Variants in HSF2BP observed in about 807,000 individuals in gnomAD.
The protein encoded by HSF2BP is heat shock factor 2-binding protein.
A neutral mutation model predicts 35.0 loss-of-function variants in HSF2BP; 35 were observed. That is an observed-to-expected ratio of 1.00 (90% confidence interval 0.76 to 1.32). The LOEUF is 1.32. Ranked by LOEUF, HSF2BP falls within the 40% of genes most tolerant of loss-of-function variation. The pLI, the probability that HSF2BP is intolerant of heterozygous loss-of-function variation, is 0.00. For synonymous variants in HSF2BP, 114 were observed against 117.4 expected, an observed-to-expected ratio of 0.97 and a Z score of 0.18; for missense variants, 326 against 321.7, an observed-to-expected ratio of 1.01 and a Z score of -0.10.
At chr21:43,658,807 G>A (rs1267306959) in intron 1 of HSF2BP, among the ~76,000 whole-genome samples, 1 of 152,238 alleles carries the variant, frequency 6.6e-6, no homozygotes, top group East Asian at 1.9e-4. Context: ...CGGGGTAGGG[G>A]CGCACCGATC....
At chr21:43,572,624 T>A (rs1470846778) in intron 8 of HSF2BP, among the ~76,000 whole-genome samples, 1 of 152,222 alleles carries the variant, frequency 6.6e-6, no homozygotes, top group Non-Finnish European at 1.5e-5. Flanking sequence ...TCCCTGGCAC[T>A]CAGGTGTCCG....
chr21:43,588,112 T>G (rs2081879028), intron 8 of HSF2BP, among the ~76,000 whole-genome samples: 1 of 152,184 alleles, frequency 6.6e-6, no homozygotes, highest in Admixed American at 6.5e-5. Flanking sequence ...GCACGGTGGC[T>G]CACGCCTGTA....
chr21:43,573,902 G>A (rs2081607212), intron 8 of HSF2BP, among the ~76,000 whole-genome samples: 1 of 152,224 alleles, frequency 6.6e-6, no homozygotes, highest in African/African-American at 2.4e-5. Context: ...GTGATGAGTA[G>A]TTTCGTTTGC....
intron 6 of HSF2BP, among the ~76,000 whole-genome samples, chr21:43,614,965 C>A (rs1193750330): frequency 6.6e-6 from 1 of 152,112 alleles, no homozygotes; most frequent in Non-Finnish European, 1.5e-5. Context: ...AGCAAGTATC[C>A]CATTTCTTCA....
chr21:43,595,615 G>A lies in HSF2BP; in HGVS notation c.693-3287C>T, dbSNP rs531816496. On this transcript the variant is annotated intron_variant, in intron 7 of 8. Transcript: ENST00000291560. ...CGAGGCTGCAATGAGCTGTGACAGT[G>A]CTACTACACTCCAGCCTGTGTGACA... 2.6e-5 allele frequency among the ~76,000 whole-genome samples: 4 copies of A among 151,172 alleles called. No individual in the cohort carries two copies. The South Asian group carries it at 6.3e-4, about 24-fold the overall frequency.
At chr21:43,640,234 A>G (rs1366387669) in intron 4 of HSF2BP, among the ~76,000 whole-genome samples, 1 of 152,210 alleles carries the variant, frequency 6.6e-6, no homozygotes. Context: ...CCAGGAGGTC[A>G]AGGATGCTGT....
chr21:43,643,625 C>G (rs1251929161), intron 4 of HSF2BP, among the ~76,000 whole-genome samples: 1 of 152,156 alleles, frequency 6.6e-6, no homozygotes, highest in Non-Finnish European at 1.5e-5. Context: ...ACCTTCCAGC[C>G]ACCAAAATCT....
chr21:43,606,108 G>A (rs1215090186), intron 7 of HSF2BP, among the ~76,000 whole-genome samples: 2 of 151,440 alleles, frequency 1.3e-5, no homozygotes, highest in Non-Finnish European at 3.0e-5. Context: ...GCCGCCTGCC[G>A]GGACACCCAC....
intron 4 of HSF2BP, 51 bp downstream of exon 4, chr21:43,644,238 A>G (rs759490464): frequency 7.3e-7 from 1 of 1,374,786 alleles, no homozygotes; most frequent in Admixed American, 1.7e-5. Context: ...GAAAGGCTGT[A>G]AGCCAGCCCC....
chr21:43,643,128 T>A (rs2082661413), intron 4 of HSF2BP, among the ~76,000 whole-genome samples: 1 of 152,194 alleles, frequency 6.6e-6, no homozygotes, highest in Non-Finnish European at 1.5e-5. Context: ...AAAGTTAAAC[T>A]AAGCAATTTT....
the HSF2BP span, among the ~76,000 whole-genome samples, chr21:43,467,797 ACAT>A: frequency 1.1e-5 from 1 of 90,148 alleles, no homozygotes; most frequent in African/African-American, 4.7e-5. Flanking sequence ...CACACACCAC[ACAT>A]TACACAGCAC....
chr21:43,588,161 T>C (rs1226020349), intron 8 of HSF2BP, among the ~76,000 whole-genome samples: 2 of 152,148 alleles, frequency 1.3e-5, no homozygotes, highest in Non-Finnish European at 2.9e-5. Context: ...GTGGATCACC[T>C]GAGGTCAGGA....
chr21:43,649,044 T>C (rs755292957), intron 3 of HSF2BP, among the ~76,000 whole-genome samples: 15 of 152,166 alleles, frequency 9.9e-5, no homozygotes, highest in Non-Finnish European at 1.8e-4. Flanking sequence ...TTGCTCATCA[T>C]TCATTTATTT....
rs1333764923 is a variant in HSF2BP at position 43,613,177 on chromosome 21, C to T, written c.692+653G>A. 2.6e-5 allele frequency among the ~76,000 whole-genome samples: 4 copies of T among 152,128 alleles called. No individual in the cohort carries two copies. The East Asian group carries it at 5.8e-4, about 22-fold the overall frequency. On this transcript the variant is annotated intron_variant, in intron 7 of 8. Transcript: ENST00000291560. ...AAGAGGAAGTCTCAGAGACTGGAAA[C>T]GTGGGAAGGATTCAATGAGCGACTG...
At chr21:43,609,292 G>C (rs1465598825) in intron 7 of HSF2BP, among the ~76,000 whole-genome samples, 2 of 152,142 alleles carry the variant, frequency 1.3e-5, no homozygotes, top group African/African-American at 4.8e-5. Flanking sequence ...GAGAGAGGGA[G>C]GGAGAGGAAC....
At chr21:43,633,986 T>G (rs1026445179) in intron 4 of HSF2BP, among the ~76,000 whole-genome samples, 2 of 152,164 alleles carry the variant, frequency 1.3e-5, no homozygotes, top group African/African-American at 4.8e-5. Flanking sequence ...AAGGTGCCAG[T>G]AAATATAAAA....
chr21:43,493,677 G>GGCTCAGCTCTGCCATGTT, the HSF2BP span, among the ~76,000 whole-genome samples: 1 of 30,932 alleles, frequency 3.2e-5, no homozygotes, highest in African/African-American at 1.0e-4. Flanking sequence ...TCTGCCATGT[G>GGCTCAGCTCTGCCATGTT]ACTCAGCTCT....
chr21:43,652,615 C>T (rs1007901281), intron 3 of HSF2BP, among the ~76,000 whole-genome samples: 1 of 152,010 alleles, frequency 6.6e-6, no homozygotes, highest in African/African-American at 2.4e-5. Context: ...CGTGGGAAGG[C>T]TTGGGGAGGG....
intron 5 of HSF2BP, among the ~76,000 whole-genome samples, chr21:43,632,155 AC>A (rs1454263482): frequency 2.0e-5 from 2 of 101,760 alleles, no homozygotes; most frequent in Non-Finnish European, 3.8e-5. Flanking sequence ...ACACACTCAC[AC>A]AGTCTCACAC....
Sources: gnomAD v4.1 joint callset for allele counts (sites outside exome capture counted in the v4.1 genomes callset) on GRCh38, gnomAD v4.1.1 for gene constraint, MANE v1.5 for transcripts, NCBI Gene and HGNC (gene_info 2026-07-23, HGNC 2026-07-21) for gene names.